The following ANKMY2 variants were observed in gnomAD, a reference collection of about 807,000 sequenced individuals.
ANKMY2 encodes ankyrin repeat and MYND domain-containing protein 2.
Under a neutral mutation model 50.4 loss-of-function variants are expected in ANKMY2, and 36 were observed. The observed-to-expected ratio is 0.71, with a 90% CI of 0.55 to 0.94. The LOEUF (loss-of-function observed/expected upper bound fraction) is 0.94. Ranked by LOEUF, ANKMY2 falls within the 40% of genes least tolerant of loss-of-function variation. The pLI is 0.00. For missense variants in ANKMY2, 565 were observed against 524.0 expected (o/e 1.08, Z -0.76); for synonymous variants, 187 against 178.8 (o/e 1.05, Z -0.36).
chr7:16,616,330 T>C (rs1315228300), intron 4 of ANKMY2, among the ~76,000 whole-genome samples: 1 of 152,212 alleles, frequency 6.6e-6, no homozygotes, highest in Admixed American at 6.5e-5. Context: ...TTGTTCTTAC[T>C]ATAATGATAA....
rs562027970 is a variant in ANKMY2 at position 16,606,042 on chromosome 7, C to T, written c.883-1193G>A. On this transcript the variant is annotated intron_variant, in intron 7 of 9. Transcript: ENST00000306999. ...CCATGTTGGCCAGGCTGGTCTCAAA[C>T]TCCTGACCTCGTGGTTCGCCCGCCT... Among the ~76,000 whole-genome samples the T allele has an allele frequency of 2.0e-5, 3 of 152,188 alleles. No individual in the cohort carries two copies. In the South Asian group the frequency reaches 6.2e-4, roughly 32 times the overall value.
At chr7:16,643,864 C>CA (rs35460495) in intron 1 of ANKMY2, among the ~76,000 whole-genome samples, 7,690 of 100,076 alleles carry the variant, frequency 0.077, 254 homozygotes, top group African/African-American at 0.11. Flanking sequence ...CCCATCTCTA[C>CA]AAAAAAAAAA....
At chr7:16,601,271 C>T (rs2128341384) in intron 9 of ANKMY2, among the ~76,000 whole-genome samples, 1 of 152,250 alleles carries the variant, frequency 6.6e-6, no homozygotes. Context: ...TATTTGATGT[C>T]CTTGGAGAGG....
At chr7:16,628,329 T>C (rs1445197186) in intron 2 of ANKMY2, among the ~76,000 whole-genome samples, 2 of 152,188 alleles carry the variant, frequency 1.3e-5, no homozygotes, top group South Asian at 2.1e-4. Context: ...GTACACACTA[T>C]GTTCAGAGGG....
chr7:16,633,410 G>A (rs1781614493), intron 2 of ANKMY2, among the ~76,000 whole-genome samples: 1 of 151,768 alleles, frequency 6.6e-6, no homozygotes, highest in African/African-American at 2.4e-5. Flanking sequence ...GATTAAAAGT[G>A]CAATGATAAA....
chr7:16,605,677 T>TTTG (rs1282633860), intron 7 of ANKMY2, among the ~76,000 whole-genome samples: 3 of 103,678 alleles, frequency 2.9e-5, no homozygotes, highest in African/African-American at 3.1e-5. Context: ...TTTTGTACTT[T>TTTG]TTTTTTTTTT....
intron 4 of ANKMY2, among the ~76,000 whole-genome samples, chr7:16,616,497 T>A (rs941535988): frequency 2.0e-5 from 3 of 152,100 alleles, no homozygotes; most frequent in Admixed American, 1.3e-4. Flanking sequence ...CTAAGCCATC[T>A]CTAGTTAAAA....
chr7:16,604,923 C>T (rs546491556), intron 7 of ANKMY2, 74 bp from the exon 8 acceptor site: 217 of 1,397,132 alleles, frequency 1.6e-4, no homozygotes, highest in Middle Eastern at 1.9e-4. Flanking sequence ...TATCAGCCCA[C>T]GGACACTGCC....
At chr7:16,601,889 T>A (rs1347963174) in intron 9 of ANKMY2, among the ~76,000 whole-genome samples, 1 of 152,202 alleles carries the variant, frequency 6.6e-6, no homozygotes, top group Non-Finnish European at 1.5e-5. Context: ...ATGACACTTG[T>A]AGAAATTTGA....
intron 8 of ANKMY2, among the ~76,000 whole-genome samples, chr7:16,602,974 C>T (rs1440206748): frequency 6.6e-6 from 1 of 152,248 alleles, no homozygotes; most frequent in African/African-American, 2.4e-5. Flanking sequence ...TGTATACCTT[C>T]AGAACCGTGA....
rs1473814765 is a variant in ANKMY2, at chr7:16,625,084, A to G, written c.272-3T>C. The G allele has an allele frequency of 3.7e-6, 6 of 1,606,788 alleles. No homozygotes were observed. Among genetic ancestry groups the G allele is most frequent in the Non-Finnish European group, 5.1e-6 (6 of 1,173,502 alleles). Reference sequence around the variant, plus strand: ...TACCCATGTGATGTCTTTATTACCTAGAGTTTTAAAGGGAACACATTTGTT... The same window carrying G: ...TACCCATGTGATGTCTTTATTACCTGGAGTTTTAAAGGGAACACATTTGTT... On this transcript the variant is annotated splice_region_variant and splice_polypyrimidine_tract_variant and intron_variant, in intron 3 of 9. Coordinates refer to ENST00000306999, the MANE Select transcript of ANKMY2 (RefSeq NM_020319.3).
chr7:16,603,405 CTG>C (rs1482971705), intron 8 of ANKMY2: 2 of 326,310 alleles, frequency 6.1e-6, no homozygotes, highest in Non-Finnish European at 1.2e-5. Flanking sequence ...AGAATTCTAA[CTG>C]GAGAAAATAT....
At chr7:16,641,637 G>T (rs906820449) in intron 1 of ANKMY2, among the ~76,000 whole-genome samples, 1 of 152,066 alleles carries the variant, frequency 6.6e-6, no homozygotes. Context: ...TCCCAAATTG[G>T]AAACAACAAT....
chr7:16,612,356 A>C (rs1292106559), intron 5 of ANKMY2, among the ~76,000 whole-genome samples: 2 of 152,236 alleles, frequency 1.3e-5, no homozygotes, highest in Non-Finnish European at 2.9e-5. Context: ...TATTAGATTT[A>C]TACACAATCT....
intron 7 of ANKMY2, among the ~76,000 whole-genome samples, chr7:16,608,993 T>G (rs1781203543): frequency 6.6e-6 from 1 of 152,038 alleles, no homozygotes; most frequent in South Asian, 2.1e-4. Flanking sequence ...AGAAACAGAC[T>G]CTGTCGCAAA....
chr7:16,639,181 A>C (rs936008632), intron 1 of ANKMY2, among the ~76,000 whole-genome samples: 9 of 152,268 alleles, frequency 5.9e-5, no homozygotes, highest in Admixed American at 5.2e-4. Context: ...GGAAATGTGA[A>C]ACACATGGCT....
chr7:16,620,716 A>G (rs1781423562), intron 4 of ANKMY2, among the ~76,000 whole-genome samples: 1 of 152,188 alleles, frequency 6.6e-6, no homozygotes, highest in South Asian at 2.1e-4. Context: ...AATTACATTA[A>G]ATATACATAA....
intron 2 of ANKMY2, among the ~76,000 whole-genome samples, chr7:16,633,075 T>C (rs918525508): frequency 3.3e-5 from 5 of 152,170 alleles, no homozygotes; most frequent in Admixed American, 2.0e-4. Flanking sequence ...TCCAGATCCT[T>C]GGCTCATTTT....
intron 1 of ANKMY2, among the ~76,000 whole-genome samples, chr7:16,638,469 G>A (rs992848225): frequency 2.3e-4 from 35 of 152,306 alleles, no homozygotes; most frequent in African/African-American, 6.5e-4. Context: ...CAAAGAGCAA[G>A]GTATGTGGCA....
Sources: allele counts gnomAD v4.1 joint callset (sites outside exome capture counted in the v4.1 genomes callset), GRCh38; gene constraint gnomAD v4.1.1; transcripts MANE v1.5; gene names NCBI Gene and HGNC (gene_info 2026-07-23, HGNC 2026-07-21).